DDX60: variants seen among roughly 807,000 people sequenced by gnomAD.
The protein encoded by DDX60 is DExD/H-box helicase 60.
In DDX60, 165 loss-of-function variants were observed where a neutral mutation model predicts 212.8. The ratio of observed to expected loss-of-function variants is 0.78; its 90% CI spans 0.68 to 0.88. The LOEUF (loss-of-function observed/expected upper bound fraction) is 0.88, where lower values mean the gene tolerates loss of function less well. Among genes scored for constraint, DDX60 ranks in the 40% least tolerant of loss-of-function variants. DDX60 has a pLI of 0.00. For missense variants in DDX60, 1,905 were observed against 2,003.9 expected (o/e 0.95, Z 0.94); for synonymous variants, 703 against 685.3 (o/e 1.03, Z -0.40).
At position 168,225,629 on chromosome 4, in the gene DDX60, T is replaced by C; in HGVS notation, c.4581A>G (p.Glu1527=). The C allele has an allele frequency of 6.2e-7, 1 of 1,611,930 alleles. No homozygotes were observed. Among genetic ancestry groups the C allele is most frequent in the Non-Finnish European group, 8.5e-7 (1 of 1,178,938 alleles). Reference sequence around the variant, plus strand: ...AGTCCTCCATAATTTTCATGTTATATTCATCTAAAGCATCACTAAAATCCT... The same window carrying C: ...AGTCCTCCATAATTTTCATGTTATACTCATCTAAAGCATCACTAAAATCCT... ...LPEDFSDALD[E]YNMKIMEDFT... The change falls in exon 34 of 38, where the codon GAA becomes GAG. Residue 1527 remains glutamate, a synonymous_variant. Transcript: ENST00000393743.
rs767034994 is a variant in DDX60, at chr4:168,274,101, C to T, written c.2305-18G>A. On this transcript the variant is annotated intron_variant, in intron 16 of 37. Transcript: ENST00000393743. Reference sequence around the variant, plus strand: ...AGCTCTCGCTGCAGGGTGCAGAGTACCATTCATGTCAAGAAACTGAACCGT... The same window carrying T: ...AGCTCTCGCTGCAGGGTGCAGAGTATCATTCATGTCAAGAAACTGAACCGT... 91 of 1,612,810 alleles carry T rather than the reference C, an allele frequency of 5.6e-5. No homozygotes were observed. Among genetic ancestry groups the T allele is most frequent in the Non-Finnish European group, 7.1e-5 (84 of 1,179,492 alleles).
rs1274213143 is a variant in DDX60, at chr4:168,248,212, A to G, written c.3939T>C (p.Tyr1313=). ...KSVVFAQNSV[Y]LDALNYRQMS... is the part of the protein sequence containing the mutation. ...CCTGTCTATAATTCAACGCATCCAG[A>G]TAGACTGAGTTTTGAGCAAAAACCA... is the stretch of plus-strand genomic sequence containing the variant. Residue 1313 remains tyrosine, a synonymous_variant, in exon 29 of 38, where the codon TAT becomes TAC. Coordinates refer to ENST00000393743, the MANE Select transcript of DDX60 (RefSeq NM_017631.6). 6.2e-7 allele frequency: 1 copy of G among 1,610,834 alleles called. No homozygotes were observed. Among genetic ancestry groups the G allele is most frequent in the Admixed American group, 1.7e-5 (1 of 59,362 alleles).
chr4:168,225,448 C>G (rs1042094793), intron 34 of DDX60, 81 bp downstream of exon 34: 46 of 1,388,624 alleles, frequency 3.3e-5, no homozygotes, highest in Middle Eastern at 4.7e-4. Context: ...TGGGGTTCCA[C>G]TCTTCTTCCA....
intron 30 of DDX60, among the ~76,000 whole-genome samples, chr4:168,245,997 T>C (rs1367503399): frequency 6.6e-6 from 1 of 152,208 alleles, no homozygotes; most frequent in Non-Finnish European, 1.5e-5. Flanking sequence ...ATTTCCCACA[T>C]ACTCCTAAGT....
intron 6 of DDX60, among the ~76,000 whole-genome samples, chr4:168,299,157 C>CAAAAAAAAAAAAAAAAAAA (rs1197872492): frequency 3.2e-5 from 2 of 61,934 alleles, no homozygotes; most frequent in African/African-American, 6.2e-5. Flanking sequence ...GAGACTGTCT[C>CAAAAAAAAAAAAAAAAAAA]AAAAAAAAAA....
chr4:168,220,700 G>T lies in DDX60; in HGVS notation c.4994C>A (p.Ala1665Asp). 1.4e-6 allele frequency: 2 copies of T among 1,440,064 alleles called. No individual in the cohort carries two copies. The highest frequency in any genetic ancestry group is 1.8e-6 in the Non-Finnish European group (2 of 1,091,340). The allele number at this position is 1,440,064 out of a possible 1,614,324, so 89.2% of individuals were successfully genotyped here. ...VQDNRMNEGD[A>D]YYLLKDFALT... The stretch of plus-strand genomic sequence containing the variant: ...TGCAAAATCCTTCAACAAATAATAA[G>T]CATCTCCTTCATTCATCCTAAAGAA... The change falls in exon 37 of 38, where the codon GCT becomes GAT. Residue 1665 changes from alanine to aspartate, a missense_variant. Transcript: ENST00000393743.
intron 24 of DDX60, 135 bp downstream of exon 24, chr4:168,261,865 T>C: frequency 9.9e-7 from 1 of 1,010,700 alleles, no homozygotes; most frequent in Non-Finnish European, 1.4e-6. Context: ...TCAGAATTAC[T>C]AGACTTCAAG....
chr4:168,236,832 CAAT>C (rs1208421238), intron 32 of DDX60, among the ~76,000 whole-genome samples: 1 of 151,492 alleles, frequency 6.6e-6, no homozygotes, highest in Non-Finnish European at 1.5e-5. Flanking sequence ...GTATACTATA[CAAT>C]AATATTCAAA....
chr4:168,256,601 T>C (rs1336003130), intron 25 of DDX60, among the ~76,000 whole-genome samples: 2 of 152,098 alleles, frequency 1.3e-5, no homozygotes, highest in Non-Finnish European at 2.9e-5. Context: ...AAAAGTAAAA[T>C]GTTTCTAGAG....
intron 31 of DDX60, 76 bp downstream of exon 31, chr4:168,237,615 A>G (rs1733674796): frequency 5.2e-6 from 7 of 1,350,158 alleles, no homozygotes; most frequent in East Asian, 4.7e-5. Flanking sequence ...TCTAAAAGCT[A>G]CAATTTGTTC....
At chr4:168,227,060 T>C (rs147086200) in intron 33 of DDX60, among the ~76,000 whole-genome samples, 56 of 152,212 alleles carry the variant, frequency 3.7e-4, no homozygotes, top group African/African-American at 1.3e-3. Context: ...TTGTAAAAAG[T>C]TGGTGTTATT....
At chr4:168,262,623 T>G in intron 23 of DDX60, 60 bp downstream of exon 23, 1 of 1,133,322 alleles carries the variant, frequency 8.8e-7, no homozygotes, top group Non-Finnish European at 1.3e-6. Context: ...TTAGAAAGGG[T>G]GAGAGTTTGT....
chr4:168,262,530 CAG>C (rs1291313042), intron 23 of DDX60, among the ~76,000 whole-genome samples, 151 bp downstream of exon 23: 1 of 149,276 alleles, frequency 6.7e-6, no homozygotes, highest in Non-Finnish European at 1.5e-5. Context: ...AAAAAACAAA[CAG>C]ATAATGTTAG....
At chr4:168,258,883 T>C (rs976373532) in intron 25 of DDX60, among the ~76,000 whole-genome samples, 3 of 152,144 alleles carry the variant, frequency 2.0e-5, no homozygotes, top group Non-Finnish European at 4.4e-5. Context: ...ACAGTAACAC[T>C]CCTATCTTCA....
At chr4:168,238,087 T>C (rs1009759531) in intron 30 of DDX60, among the ~76,000 whole-genome samples, 4 of 151,950 alleles carry the variant, frequency 2.6e-5, no homozygotes, top group African/African-American at 9.7e-5. Flanking sequence ...TAAAAAGATA[T>C]ATTATCCCAT....
intron 6 of DDX60, among the ~76,000 whole-genome samples, chr4:168,296,512 C>G (rs1244027545): frequency 6.6e-6 from 1 of 152,064 alleles, no homozygotes; most frequent in South Asian, 2.1e-4. Context: ...AAACCACTCA[C>G]CCACTACCAA....
intron 9 of DDX60, 27 bp downstream of exon 9, chr4:168,288,147 T>C: frequency 1.5e-6 from 2 of 1,353,310 alleles, no homozygotes; most frequent in South Asian, 1.4e-5. Context: ...TGGATGGAAG[T>C]ATGATTATAA....
chr4:168,243,905 C>T (rs1733935667), intron 30 of DDX60, among the ~76,000 whole-genome samples: 1 of 150,714 alleles, frequency 6.6e-6, no homozygotes. Flanking sequence ...ACATATACAC[C>T]ATGGAATACT....
At chr4:168,272,219 A>C in intron 18 of DDX60, 81 bp from the exon 19 acceptor site, 1 of 1,118,914 alleles carries the variant, frequency 8.9e-7, no homozygotes. Context: ...TGTAAGATAG[A>C]CTTATGAGTC....
Sources: allele counts gnomAD v4.1 joint callset (sites outside exome capture counted in the v4.1 genomes callset), GRCh38; gene constraint gnomAD v4.1.1; transcripts MANE v1.5; gene names NCBI Gene and HGNC (gene_info 2026-07-23, HGNC 2026-07-21).